SYNE2: variants seen among roughly 807,000 people sequenced by gnomAD.
SYNE2 encodes the protein spectrin repeat containing nuclear envelope protein 2.
A neutral mutation model predicts 856.3 loss-of-function variants in SYNE2; 431 were observed. That is an observed-to-expected ratio of 0.50 (90% CI 0.47 to 0.55). SYNE2 has a LOEUF of 0.55. Ranked by LOEUF, SYNE2 falls within the 20% of genes least tolerant of loss-of-function variation. SYNE2 has a pLI of 0.00. For missense variants in SYNE2, 8,129 were observed against 8,023.2 expected (o/e 1.01, Z -0.50); for synonymous variants, 2,923 against 2,872.3 (o/e 1.02, Z -0.56).
intron 89 of SYNE2, among the ~76,000 whole-genome samples, chr14:64,163,970 A>C (rs2098351058): frequency 6.6e-6 from 1 of 152,136 alleles, no homozygotes; most frequent in Non-Finnish European, 1.5e-5. Context: ...CCCAGGCTAG[A>C]GTGCAGTGGC....
At chr14:64,001,605 A>G (rs1594781497) in intron 28 of SYNE2, among the ~76,000 whole-genome samples, 1 of 152,340 alleles carries the variant, frequency 6.6e-6, no homozygotes, top group South Asian at 2.1e-4. Context: ...AATGATACCA[A>G]AACAGCTGGA....
chr14:64,089,541 A>G (rs559708791), intron 58 of SYNE2, 33 bp from the exon 59 acceptor site: 19 of 1,591,252 alleles, frequency 1.2e-5, no homozygotes, highest in African/African-American at 9.4e-5. Flanking sequence ...TATACAATAT[A>G]TATTGCATCA....
At chr14:64,205,968 T>A (rs903294943) in intron 100 of SYNE2, among the ~76,000 whole-genome samples, 1 of 151,552 alleles carries the variant, frequency 6.6e-6, no homozygotes, top group Admixed American at 6.6e-5. Context: ...CTGTCCCACT[T>A]GCTACCCAAG....
intron 45 of SYNE2, among the ~76,000 whole-genome samples, chr14:64,037,813 C>T (rs1280998794): frequency 1.4e-5 from 2 of 147,858 alleles, no homozygotes; most frequent in South Asian, 2.2e-4. Context: ...CCCCTCACCT[C>T]CCGGACGGGG....
intron 2 of SYNE2, among the ~76,000 whole-genome samples, chr14:63,911,039 T>G (rs960408841): frequency 6.6e-5 from 10 of 152,180 alleles, no homozygotes; most frequent in Non-Finnish European, 1.2e-4. Flanking sequence ...CCAGACTTCT[T>G]GGCGTGGTTC....
At chr14:63,765,248 G>C (rs927419663) in intron 1 of SYNE2, among the ~76,000 whole-genome samples, 8 of 152,322 alleles carry the variant, frequency 5.3e-5, no homozygotes, top group South Asian at 4.1e-4. Flanking sequence ...AAGGGCAAGG[G>C]ATGGATCTGA....
chr14:64,163,292 C>T lies in SYNE2; in HGVS notation c.16300-110C>T. 2.5e-6 allele frequency: 3 copies of T among 1,210,536 alleles called. No individual in the cohort carries two copies. In the South Asian group the frequency reaches 3.8e-5, roughly 15 times the overall value. 75.0% of individuals were successfully genotyped at this position (1,210,536 alleles called of 1,614,324 possible). A position where few individuals can be genotyped will look rare whatever the true frequency, so the allele number is the denominator to read the frequency against. On this transcript the variant is annotated intron_variant, in intron 88 of 115. Coordinates refer to ENST00000555002, the MANE Select transcript of SYNE2 (RefSeq NM_182914.3). ...AAATAAATAATAACAAAAGATCATG[C>T]CTACGTTTTCAGGGCAAATATTCTC...
At chr14:64,088,411 T>A (rs2097580254) in intron 58 of SYNE2, among the ~76,000 whole-genome samples, 1 of 152,200 alleles carries the variant, frequency 6.6e-6, no homozygotes, top group Admixed American at 6.5e-5. Context: ...TTTCTCTTTG[T>A]CAAAGAGAAA....
At chr14:64,178,732 G>A (rs1158771338) in intron 96 of SYNE2, among the ~76,000 whole-genome samples, 1 of 152,068 alleles carries the variant, frequency 6.6e-6, no homozygotes, top group African/African-American at 2.4e-5. Flanking sequence ...GTGACAGCAG[G>A]CGCCCAGCCT....
At chr14:63,853,538 C>T (rs956003949) in intron 1 of SYNE2, among the ~76,000 whole-genome samples, 1 of 151,732 alleles carries the variant, frequency 6.6e-6, no homozygotes, top group Non-Finnish European at 1.5e-5. Context: ...GGCCCCGGCC[C>T]TCGGGGGCCG....
At chr14:63,770,494 A>G (rs1192975832) in intron 1 of SYNE2, among the ~76,000 whole-genome samples, 3 of 152,148 alleles carry the variant, frequency 2.0e-5, no homozygotes, top group Admixed American at 6.5e-5. Context: ...CCAGTCATAA[A>G]TATTCAAATA....
At position 64,214,437 on chromosome 14, in the gene SYNE2, G is replaced by A. The variant is rs2098656370; in HGVS notation, c.19300G>A (p.Asp6434Asn). Residue 6434 changes from aspartate to asparagine, a missense_variant, in exon 106 of 116, where the codon GAC becomes AAC. This residue lies in a region of SYNE2 where 5,410 missense variants were observed against 5,284.8 expected (regional missense o/e 1.02). Coordinates refer to ENST00000555002, the MANE Select transcript of SYNE2 (RefSeq NM_182914.3). ...DVGGSSSHEE[D>N]EEGPYYSALS... Reference sequence around the variant, plus strand: ...GGGGGGCTCCTCCTCTCACGAAGAGGACGAGGAGGGCCCATACTACAGCGC... The same window carrying A: ...GGGGGGCTCCTCCTCTCACGAAGAGAACGAGGAGGGCCCATACTACAGCGC... The A allele has an allele frequency of 6.2e-6, 10 of 1,613,894 alleles. No individual in the cohort carries two copies. The East Asian group carries it at 1.8e-4, about 29-fold the overall frequency.
At chr14:64,162,369 G>A in intron 88 of SYNE2, 93 bp downstream of exon 88, 1 of 1,307,698 alleles carries the variant, frequency 7.6e-7, no homozygotes, top group Non-Finnish European at 1.1e-6. Flanking sequence ...ACAGACCACA[G>A]GGACAGAGTA....
chr14:63,895,432 T>G (rs1168700147), intron 1 of SYNE2, among the ~76,000 whole-genome samples: 4 of 151,520 alleles, frequency 2.6e-5, no homozygotes, highest in Non-Finnish European at 4.4e-5. Flanking sequence ...CTACTACCAA[T>G]TTTTTCTTTC....
At chr14:64,043,191 A>C (rs566758421) in intron 45 of SYNE2, among the ~76,000 whole-genome samples, 80 of 152,206 alleles carry the variant, frequency 5.3e-4, no homozygotes, top group Non-Finnish European at 1.0e-3. Flanking sequence ...TGGTGGAAGA[A>C]ATGTCTAAGC....
Position 64,128,533 on chromosome 14 carries a change from A to T in SYNE2, c.13999A>T (p.Ser4667Cys). The T allele has an allele frequency of 6.2e-7, 1 of 1,608,304 alleles. No individual in the cohort carries two copies. Among genetic ancestry groups the T allele is most frequent in the Non-Finnish European group, 8.5e-7 (1 of 1,174,616 alleles). The stretch of plus-strand genomic sequence containing the variant: ...GTCTTTGAATGAAATCAGTGGGCAG[A>T]GTGTTGCTGAACAGCTTCAGGTAAT... Reference protein sequence around the residue: ...QQSLNEISGQSVAEQLQKADA... With the variant: ...QQSLNEISGQCVAEQLQKADA... Residue 4667 changes from serine (S) to cysteine (C), a missense_variant, in exon 74 of 116, where the codon AGT (serine) becomes TGT (cysteine). This residue lies in a region of SYNE2 where 5,410 missense variants were observed against 5,284.8 expected (regional missense o/e 1.02). Transcript: ENST00000555002.
Position 64,142,002 on chromosome 14 carries a change from A to C in SYNE2, c.15220A>C (p.Asn5074His). ...AITEMISWMN[N>H]VEHQTSDEDS... ...CACAGAAATGATTAGCTGGATGAAC[A>C]ATGTGGAGCATCAAACTTCAGATGA... The change falls in exon 82 of 116, where the codon AAT (asparagine) becomes CAT (histidine). Residue 5074 changes from asparagine to histidine, a missense_variant. Coordinates refer to ENST00000555002, the MANE Select transcript of SYNE2 (RefSeq NM_182914.3). 6.2e-7 allele frequency: 1 copy of C among 1,614,152 alleles called. No individual in the cohort carries two copies. Among genetic ancestry groups the C allele is most frequent in the Non-Finnish European group, 8.5e-7 (1 of 1,180,012 alleles).
chr14:63,940,356 C>G (rs2095894342), intron 2 of SYNE2, among the ~76,000 whole-genome samples: 1 of 152,082 alleles, frequency 6.6e-6, no homozygotes, highest in African/African-American at 2.4e-5. Context: ...CACCGTGGTC[C>G]TAATTCTTTT....
rs530668958 is a variant in SYNE2 at position 63,817,889 on chromosome 14, G to C, written c.-304-34612G>C. Among the ~76,000 whole-genome samples, 9 of 151,964 alleles carry C rather than the reference G, an allele frequency of 5.9e-5. No individual in the cohort carries two copies. The South Asian group carries it at 1.9e-3, about 32-fold the overall frequency. ...CAAATTAAAACATTAGTCGAGCATGGTGGTGCATACCTGTGGTCCCAGCTA... is the reference window on the plus strand; with the variant it reads ...CAAATTAAAACATTAGTCGAGCATGCTGGTGCATACCTGTGGTCCCAGCTA... On this transcript the variant is annotated intron_variant, in intron 1 of 23. Coordinates refer to the SYNE2 transcript ENST00000674003.
Sources: gnomAD v4.1 joint callset for allele counts (sites outside exome capture counted in the v4.1 genomes callset) on GRCh38, gnomAD v4.1.1 for gene constraint, gnomAD v4.1.1 regional missense constraint, MANE v1.5 for transcripts, NCBI Gene and HGNC (gene_info 2026-07-23, HGNC 2026-07-21) for gene names.